Variants in CAMKMT observed in about 807,000 individuals in gnomAD.
The protein encoded by CAMKMT is calmodulin-lysine N-methyltransferase, also known as CaM KMT.
A neutral mutation model predicts 48.0 loss-of-function variants in CAMKMT; 53 were observed. That is an observed-to-expected ratio of 1.10 (90% CI 0.89 to 1.39). The LOEUF is 1.39. Among genes scored for constraint, CAMKMT ranks in the 40% most tolerant of loss-of-function variants. The pLI is 0.00. For synonymous variants in CAMKMT, 165 were observed against 152.3 expected (o/e 1.08, Z -0.61); for missense variants, 428 against 402.7 (o/e 1.06, Z -0.54).
At chr2:44,393,274 T>C (rs1406462961) in intron 3 of CAMKMT, 2 of 152,214 alleles carry the variant, frequency 1.3e-5, no homozygotes, top group African/African-American at 4.8e-5. Context: ...TTGTATTTAC[T>C]TTTTTGTATA....
At chr2:44,441,959 A>G (rs1666692168) in intron 3 of CAMKMT, among the ~76,000 whole-genome samples, 2 of 152,154 alleles carry the variant, frequency 1.3e-5, no homozygotes, top group Non-Finnish European at 2.9e-5. Flanking sequence ...GTATGCAGCT[A>G]TATACAAGGC....
At chr2:44,536,564 G>T (rs1450074967) in intron 3 of CAMKMT, among the ~76,000 whole-genome samples, 1 of 151,940 alleles carries the variant, frequency 6.6e-6, no homozygotes, top group Non-Finnish European at 1.5e-5. Context: ...CTGACCTCAA[G>T]TGATCCACCC....
intron 1 of CAMKMT, among the ~76,000 whole-genome samples, chr2:44,369,559 C>T (rs941144672): frequency 2.0e-5 from 3 of 152,164 alleles, no homozygotes; most frequent in African/African-American, 7.2e-5. Context: ...CAGTATAAAG[C>T]TGCAACTGGC....
intron 3 of CAMKMT, among the ~76,000 whole-genome samples, chr2:44,412,968 A>G (rs1265879782): frequency 6.6e-6 from 1 of 151,586 alleles, no homozygotes; most frequent in Non-Finnish European, 1.5e-5. Context: ...CCCAGCTATT[A>G]GGGGGGCGGA....
At chr2:44,367,322 T>C (rs1292704347) in intron 1 of CAMKMT, among the ~76,000 whole-genome samples, 2 of 152,192 alleles carry the variant, frequency 1.3e-5, no homozygotes, top group Admixed American at 6.5e-5. Flanking sequence ...CCGAAACTTT[T>C]TGAGAGCCGA....
intron 3 of CAMKMT, among the ~76,000 whole-genome samples, chr2:44,508,733 A>G (rs1326325679): frequency 1.3e-5 from 2 of 152,176 alleles, no homozygotes; most frequent in Non-Finnish European, 2.9e-5. Context: ...TGGTTAGGAT[A>G]TCCTTATCAA....
chr2:44,687,957 C>A (rs1676431204), intron 3 of CAMKMT, among the ~76,000 whole-genome samples: 1 of 152,222 alleles, frequency 6.6e-6, no homozygotes, highest in South Asian at 2.1e-4. Context: ...CAACTGACAG[C>A]AAGTGATAAG....
At chr2:44,528,736 A>G (rs1455081172) in intron 3 of CAMKMT, among the ~76,000 whole-genome samples, 1 of 152,026 alleles carries the variant, frequency 6.6e-6, no homozygotes, top group Non-Finnish European at 1.5e-5. Flanking sequence ...TTCTTTGTTG[A>G]AGAAACTGGA....
intron 3 of CAMKMT, among the ~76,000 whole-genome samples, chr2:44,682,964 G>A (rs75409771): frequency 0.013 from 2,019 of 152,240 alleles, 58 homozygotes; most frequent in African/African-American, 0.046. Context: ...ACTAATGACC[G>A]TGTAGATGAT....
intron 3 of CAMKMT, among the ~76,000 whole-genome samples, chr2:44,590,519 A>C (rs1055299114): frequency 9.9e-5 from 15 of 152,104 alleles, no homozygotes; most frequent in East Asian, 3.9e-4. Flanking sequence ...GATGGTGAGC[A>C]TTTTTTCATG....
At chr2:44,501,090 C>G (rs1208433392) in intron 3 of CAMKMT, among the ~76,000 whole-genome samples, 1 of 150,244 alleles carries the variant, frequency 6.7e-6, no homozygotes, top group South Asian at 2.1e-4. Context: ...GAGACTTGTA[C>G]TTAGTACTAA....
At chr2:44,409,281 ATAGT>A (rs1178073530) in intron 3 of CAMKMT, among the ~76,000 whole-genome samples, 1 of 151,610 alleles carries the variant, frequency 6.6e-6, no homozygotes, top group Non-Finnish European at 1.5e-5. Flanking sequence ...TATTATCTTA[ATAGT>A]TAGTTGACAT....
chr2:44,363,067 GA>G (rs1192913204), intron 1 of CAMKMT, among the ~76,000 whole-genome samples: 5 of 152,142 alleles, frequency 3.3e-5, no homozygotes, highest in African/African-American at 4.8e-5. Context: ...GTATTTTGGG[GA>G]TCACTTTGTT....
intron 2 of CAMKMT, among the ~76,000 whole-genome samples, chr2:44,375,968 A>G (rs565779888): frequency 6.6e-6 from 1 of 151,936 alleles, no homozygotes; most frequent in Non-Finnish European, 1.5e-5. Flanking sequence ...TTGTATATTT[A>G]ATAGAGACAG....
intron 1 of CAMKMT, among the ~76,000 whole-genome samples, chr2:44,367,128 A>T (rs1347091465): frequency 6.6e-6 from 1 of 152,178 alleles, no homozygotes; most frequent in Non-Finnish European, 1.5e-5. Context: ...ATATATAAAT[A>T]TAGGGATTCA....
intron 3 of CAMKMT, among the ~76,000 whole-genome samples, chr2:44,641,631 C>G (rs1158389308): frequency 6.6e-6 from 1 of 152,104 alleles, no homozygotes; most frequent in Non-Finnish European, 1.5e-5. Flanking sequence ...AAACTTGGCT[C>G]ACTGTAACCT....
intron 3 of CAMKMT, among the ~76,000 whole-genome samples, chr2:44,408,600 C>T (rs752486113): frequency 6.6e-6 from 1 of 152,010 alleles, no homozygotes; most frequent in Non-Finnish European, 1.5e-5. Flanking sequence ...TAAATTAGAG[C>T]ATGACTTTGA....
chr2:44,667,394 T>C (rs946545141), intron 3 of CAMKMT, among the ~76,000 whole-genome samples: 14 of 152,184 alleles, frequency 9.2e-5, no homozygotes, highest in African/African-American at 2.9e-4. Context: ...TCTTTCATCC[T>C]TCCTACTGTG....
chr2:44,387,314 G>T (rs1430387590), intron 2 of CAMKMT, among the ~76,000 whole-genome samples: 1 of 151,622 alleles, frequency 6.6e-6, no homozygotes, highest in Non-Finnish European at 1.5e-5. Flanking sequence ...GGTTTGTTTT[G>T]TCTGATATAA....
Sources: allele counts gnomAD v4.1 joint callset (sites outside exome capture counted in the v4.1 genomes callset), GRCh38; gene constraint gnomAD v4.1.1; transcripts MANE v1.5; gene names NCBI Gene and HGNC (gene_info 2026-07-23, HGNC 2026-07-21).